PTPRC: variants seen among roughly 807,000 people sequenced by gnomAD.
The protein encoded by PTPRC is receptor-type tyrosine-protein phosphatase C.
In PTPRC, 44 loss-of-function variants were observed where a neutral mutation model predicts 155.9. The ratio of observed to expected loss-of-function variants is 0.28; its 90% CI spans 0.22 to 0.36. The LOEUF (loss-of-function observed/expected upper bound fraction) is 0.36. PTPRC is among the 10% of genes least tolerant of loss of function. The pLI is 1.00. For synonymous variants in PTPRC, 525 were observed against 533.1 expected, an observed-to-expected ratio of 0.98 and a Z score of 0.21; for missense variants, 1,401 against 1,564.6, an observed-to-expected ratio of 0.90 and a Z score of 1.76.
intron 29 of PTPRC, 78 bp from the exon 30 acceptor site, chr1:198,752,171 A>C: frequency 6.8e-7 from 1 of 1,476,886 alleles, no homozygotes; most frequent in Non-Finnish European, 9.5e-7. Context: ...ACAGAGAAAG[A>C]AAGGGAGAAA....
At chr1:198,699,834 C>A in intron 5 of PTPRC, 130 bp downstream of exon 5, 1 of 1,218,414 alleles carries the variant, frequency 8.2e-7, no homozygotes, top group Non-Finnish European at 1.2e-6. Flanking sequence ...TTTGGAATTT[C>A]AGTCACTCTT....
At chr1:198,686,888 A>C (rs1054666660) in intron 2 of PTPRC, among the ~76,000 whole-genome samples, 6 of 152,236 alleles carry the variant, frequency 3.9e-5, no homozygotes, top group African/African-American at 1.4e-4. Flanking sequence ...AGGTAACTAC[A>C]TCAGTTCATT....
rs894415665 is a variant in PTPRC at position 198,693,012 on chromosome 1, A to T, written c.100+639A>T. 27 of 950,574 alleles carry T rather than the reference A, an allele frequency of 2.8e-5. No homozygotes were observed. The Admixed American group carries it at 1.4e-3, about 50-fold the overall frequency. 58.9% of individuals were successfully genotyped at this position (950,574 alleles called of 1,614,324 possible). A position where few individuals can be genotyped will look rare whatever the true frequency, so the allele number is the denominator to read the frequency against. ...AGATGGTTAAATATCACATCACTTA[A>T]CTGATGTTACTGAAAATGTATTTTC... On this transcript the variant is annotated intron_variant, in intron 3 of 32. Transcript: ENST00000442510.
intron 32 of PTPRC, among the ~76,000 whole-genome samples, chr1:198,755,315 T>C (rs896246774): frequency 6.6e-6 from 1 of 152,072 alleles, no homozygotes; most frequent in African/African-American, 2.4e-5. Context: ...ATTCACAGTG[T>C]AAACTTAATT....
chr1:198,730,516 G>T (rs1203521830), intron 17 of PTPRC, among the ~76,000 whole-genome samples: 1 of 152,090 alleles, frequency 6.6e-6, no homozygotes, highest in Non-Finnish European at 1.5e-5. Flanking sequence ...CTGACATAGG[G>T]TATCGTGAGG....
intron 15 of PTPRC, among the ~76,000 whole-genome samples, chr1:198,725,710 TTTGTTA>T (rs1654101788): frequency 6.6e-6 from 1 of 152,212 alleles, no homozygotes; most frequent in Admixed American, 6.5e-5. Context: ...GAAGATATTT[TTTGTTA>T]TTGTTGTTGT....
chr1:198,722,260 A>G (rs1036797273), intron 14 of PTPRC, among the ~76,000 whole-genome samples, 156 bp from the exon 15 acceptor site: 1 of 150,308 alleles, frequency 6.7e-6, no homozygotes, highest in Non-Finnish European at 1.5e-5. Flanking sequence ...CAACATACTG[A>G]CATAACCTTG....
chr1:198,715,577 A>G (rs1660213212), intron 12 of PTPRC, among the ~76,000 whole-genome samples: 1 of 152,178 alleles, frequency 6.6e-6, no homozygotes, highest in East Asian at 1.9e-4. Context: ...TGAAAGCAAT[A>G]GGCACCTTTC....
chr1:198,699,488 T>C, intron 4 of PTPRC, 76 bp from the exon 5 acceptor site: 1 of 1,549,148 alleles, frequency 6.5e-7, no homozygotes, highest in Admixed American at 1.7e-5. Flanking sequence ...CGCAATTTGC[T>C]CCTTATAACC....
chr1:198,643,022 G>GTT (rs2102179449), intron 2 of PTPRC, among the ~76,000 whole-genome samples: 1 of 148,560 alleles, frequency 6.7e-6, no homozygotes, highest in South Asian at 2.1e-4. Flanking sequence ...ACAGGAGGTA[G>GTT]TTTTAACACC....
chr1:198,699,574 A>G lies in PTPRC; in HGVS notation c.309A>G (p.Ser103=). 6.2e-7 allele frequency: 1 copy of G among 1,614,220 alleles called. No homozygotes were observed. The highest frequency in any genetic ancestry group is 8.5e-7 in the Non-Finnish European group (1 of 1,180,042). The change falls in exon 5 of 33, where the codon TCA becomes TCG. Residue 103 remains serine, a synonymous_variant. Transcript: ENST00000442510. Reference sequence around the variant, plus strand: ...ACTTTCCTACCTTAGGTGTTTCATCAGTACAGACGCCTCACCTTCCCACGC... The same window carrying G: ...ACTTTCCTACCTTAGGTGTTTCATCGGTACAGACGCCTCACCTTCCCACGC... ...ASAFNTTGVS[S]VQTPHLPTHA...
At position 198,751,647 on chromosome 1, in the gene PTPRC, C is replaced by T. The variant is rs528915327; in HGVS notation, c.3208-602C>T. ...CAGGATGGAAGTACCGGCAGGACTC[C>T]CTGTCTTTGTCAGAAATTGTGGGGT... On this transcript the variant is annotated intron_variant, in intron 29 of 32. Transcript: ENST00000442510. 3.3e-5 allele frequency among the ~76,000 whole-genome samples: 5 copies of T among 152,148 alleles called. No individual in the cohort carries two copies. The East Asian group carries it at 9.7e-4, about 30-fold the overall frequency.
chr1:198,717,710 C>T (rs377458163), intron 13 of PTPRC, among the ~76,000 whole-genome samples: 51 of 152,172 alleles, frequency 3.4e-4, no homozygotes, highest in African/African-American at 1.1e-3. Context: ...ATTAGCACTC[C>T]GGGAAAGAAG....
intron 8 of PTPRC, among the ~76,000 whole-genome samples, chr1:198,705,832 T>C (rs1454938325): frequency 6.6e-6 from 1 of 152,182 alleles, no homozygotes; most frequent in Admixed American, 6.5e-5. Context: ...CCCATGTCTA[T>C]TTTTCTATTT....
At chr1:198,699,909 G>A in intron 5 of PTPRC, 1 of 671,474 alleles carries the variant, frequency 1.5e-6, no homozygotes, top group East Asian at 2.7e-5. Flanking sequence ...AGAATTGTGA[G>A]ACTACAGCAA....
chr1:198,742,491 C>A, intron 25 of PTPRC, 124 bp downstream of exon 25: 5 of 1,228,808 alleles, frequency 4.1e-6, no homozygotes, highest in Non-Finnish European at 5.8e-6. Flanking sequence ...TAGATGATTT[C>A]CTGAAAACTA....
At chr1:198,652,298 G>GAGAGGAGGGGA (rs1266685804) in intron 2 of PTPRC, among the ~76,000 whole-genome samples, 3 of 151,718 alleles carry the variant, frequency 2.0e-5, no homozygotes, top group Non-Finnish European at 4.4e-5. Context: ...GGGAGGGAGG[G>GAGAGGAGGGGA]AGAGGAGGGG....
In PTPRC at chr1:198,755,952, C is replaced by T. The variant is rs1197361177; in HGVS notation, c.3692C>T (p.Ala1231Val). Residue 1231 changes from alanine (A) to valine (V), a missense_variant, in exon 33 of 33, where the codon GCT becomes GTT. Around this residue, in one of 3 missense-constraint regions of PTPRC, gnomAD observed 400 missense variants for 389.5 expected, o/e 1.03. Transcript: ENST00000442510. ...LYDVIASTYPAQNGQVKKNNH... is the reference protein window; with the variant it reads ...LYDVIASTYPVQNGQVKKNNH... Reference sequence around the variant, plus strand: ...GACGTCATTGCCAGCACCTACCCTGCTCAGAATGGACAAGTAAAGAAAAAC... The same window carrying T: ...GACGTCATTGCCAGCACCTACCCTGTTCAGAATGGACAAGTAAAGAAAAAC... 6 of 1,612,784 alleles carry T rather than the reference C, an allele frequency of 3.7e-6. No homozygotes were observed. In the South Asian group the frequency reaches 4.4e-5, roughly 12 times the overall value.
At chr1:198,656,790 G>C (rs1443046192) in intron 2 of PTPRC, among the ~76,000 whole-genome samples, 3 of 151,942 alleles carry the variant, frequency 2.0e-5, no homozygotes, top group Non-Finnish European at 4.4e-5. Flanking sequence ...TATAAAACAG[G>C]AGCTGAGAGC....
Sources: allele counts gnomAD v4.1 joint callset (sites outside exome capture counted in the v4.1 genomes callset), GRCh38; gene constraint gnomAD v4.1.1; regional missense constraint gnomAD v4.1.1; transcripts MANE v1.5; gene names NCBI Gene and HGNC (gene_info 2026-07-23, HGNC 2026-07-21).